RABGAP1: variants seen among roughly 807,000 people sequenced by gnomAD.
The protein encoded by RABGAP1 is rab GTPase-activating protein 1.
RABGAP1 carries 23 observed loss-of-function variants against 137.6 expected under a neutral mutation model. That is an observed-to-expected ratio of 0.17 (90% CI 0.12 to 0.24). The LOEUF (loss-of-function observed/expected upper bound fraction) is 0.24. RABGAP1 is among the 10% of genes least tolerant of loss of function. The pLI is 1.00. For synonymous variants in RABGAP1, 451 were observed against 450.7 expected (o/e 1.00, Z -0.01); for missense variants, 906 against 1,275.8 (o/e 0.71, Z 4.42).
intron 1 of RABGAP1, among the ~76,000 whole-genome samples, chr9:122,947,498 A>G (rs1452865465): frequency 1.3e-5 from 2 of 152,250 alleles, no homozygotes; most frequent in African/African-American, 2.4e-5. Flanking sequence ...CTTAATCACA[A>G]TGCAAAAAGA....
intron 1 of RABGAP1, chr9:122,945,225 GAGATCATTATTCTTT>G (rs550416765): frequency 2.8e-3 from 381 of 137,722 alleles, no homozygotes; most frequent in African/African-American, 1.0e-2. Context: ...TGTTGATCCT[GAGATCATTATTCTTT>G]AGAAACTTTG....
rs1400056488 is a variant in RABGAP1 at position 123,086,761 on chromosome 9, CTG to C, written c.2425-2996_2425-2995del. 2.0e-5 allele frequency among the ~76,000 whole-genome samples: 3 copies of C among 152,136 alleles called. No homozygotes were observed. In the East Asian group the frequency reaches 5.8e-4, roughly 29 times the overall value. ...GGTGAGGGTGAAGACTGGGAAAAGACTGAGCTGGTGAAGAAGTCAGGACTCTG... is the reference window on the plus strand; with the variant it reads ...GGTGAGGGTGAAGACTGGGAAAAGACAGCTGGTGAAGAAGTCAGGACTCTG... On this transcript the variant is annotated intron_variant, in intron 19 of 25. Coordinates refer to ENST00000373647, the MANE Select transcript of RABGAP1 (RefSeq NM_012197.4).
At position 122,970,074 on chromosome 9, in the gene RABGAP1, AT is replaced by A. The variant is rs34261698; in HGVS notation, c.150+12881del. On this transcript the variant is annotated intron_variant, in intron 2 of 25. Coordinates refer to ENST00000373647, the MANE Select transcript of RABGAP1 (RefSeq NM_012197.4). ...GCCAGTGTGCCACCATATCCGGCTA[AT>A]TTTTTTTTTTTTTTTCTTAGTAGAG... 5.0e-3 allele frequency among the ~76,000 whole-genome samples: 711 copies of A among 143,474 alleles called. 6 individuals carry two copies. The highest frequency in any genetic ancestry group is 0.017 in the African/African-American group (642 of 38,858). 94.1% of individuals were successfully genotyped at this position (143,474 alleles called of 152,430 possible). A position where few individuals can be genotyped will look rare whatever the true frequency, so the allele number is the denominator to read the frequency against.
chr9:123,067,821 T>C (rs1588369753), intron 14 of RABGAP1, among the ~76,000 whole-genome samples: 2 of 152,324 alleles, frequency 1.3e-5, no homozygotes, highest in East Asian at 3.9e-4. Flanking sequence ...AAATGTATCA[T>C]ATAATTTCAC....
intron 14 of RABGAP1, among the ~76,000 whole-genome samples, chr9:123,067,137 A>G (rs1162508533): frequency 6.6e-6 from 1 of 152,214 alleles, no homozygotes; most frequent in East Asian, 1.9e-4. Flanking sequence ...CCCACATTAC[A>G]TTAAGTTGTT....
rs756915024 is a variant in RABGAP1 at position 123,097,805 on chromosome 9, CAGA to C, written c.2700_2702del (p.Glu901del). 3.7e-6 allele frequency: 6 copies of C among 1,613,830 alleles called. No individual in the cohort carries two copies. Among genetic ancestry groups the C allele is most frequent in the Non-Finnish European group, 3.4e-6 (4 of 1,179,906 alleles). ...ATGACCAAACAGAAGTTGATTGATGCAGAAGAAGAGAAAAGACGGCTGGAAGAA... is the reference window on the plus strand; with the variant it reads ...ATGACCAAACAGAAGTTGATTGATGCAGAAGAGAAAAGACGGCTGGAAGAA... On this transcript the variant is annotated inframe_deletion, in exon 22 of 26. Transcript: ENST00000373647.
chr9:123,044,526 T>G (rs2033112768), intron 13 of RABGAP1, among the ~76,000 whole-genome samples: 1 of 152,116 alleles, frequency 6.6e-6, no homozygotes, highest in African/African-American at 2.4e-5. Flanking sequence ...TTTGGAACTT[T>G]TCAGATTTTG....
Position 122,997,613 on chromosome 9 carries a change from C to G in RABGAP1, c.1204+252C>G, listed in dbSNP as rs1837099282. On this transcript the variant is annotated intron_variant, in intron 9 of 25. Coordinates refer to ENST00000373647, the MANE Select transcript of RABGAP1 (RefSeq NM_012197.4). The stretch of plus-strand genomic sequence containing the variant: ...TTCTTTCTATTTATATGCTTATTTA[C>G]TTACAGACTTATAAGTTTTATTTTT... 2.0e-5 allele frequency among the ~76,000 whole-genome samples: 3 copies of G among 151,514 alleles called. No individual in the cohort carries two copies. The East Asian group carries it at 5.8e-4, about 29-fold the overall frequency.
At chr9:123,057,160 C>G (rs2033747894) in intron 13 of RABGAP1, among the ~76,000 whole-genome samples, 1 of 151,722 alleles carries the variant, frequency 6.6e-6, no homozygotes, top group Non-Finnish European at 1.5e-5. Context: ...GGGCTGACCC[C>G]CACCTCCCTC....
chr9:123,101,120 ACCAGCATGCAT>A (rs1375838773), intron 24 of RABGAP1, among the ~76,000 whole-genome samples: 1 of 152,210 alleles, frequency 6.6e-6, no homozygotes, highest in African/African-American at 2.4e-5. Flanking sequence ...TTCTATTTCA[ACCAGCATGCAT>A]CCATTTTCCA....
chr9:123,097,915 C>T, intron 22 of RABGAP1, 70 bp downstream of exon 22: 1 of 1,323,186 alleles, frequency 7.6e-7, no homozygotes, highest in Admixed American at 2.3e-5. Flanking sequence ...TGGTGGCTTC[C>T]TGTTGGCACT....
intron 13 of RABGAP1, chr9:123,033,683 A>G (rs1007183190): frequency 1.3e-5 from 2 of 151,988 alleles, no homozygotes; most frequent in Non-Finnish European, 2.9e-5. Flanking sequence ...CTGCTTTGCA[A>G]GGCTTTCTGC....
At chr9:123,013,625 G>A (rs2030995942) in intron 11 of RABGAP1, among the ~76,000 whole-genome samples, 1 of 152,156 alleles carries the variant, frequency 6.6e-6, no homozygotes, top group Admixed American at 6.5e-5. Context: ...GAGCCACCGT[G>A]CCGGGCCTAG....
Position 122,966,923 on chromosome 9 carries a change from G to T in RABGAP1, c.150+9714G>T, listed in dbSNP as rs550676270. On this transcript the variant is annotated intron_variant, in intron 2 of 25. Coordinates refer to ENST00000373647, the MANE Select transcript of RABGAP1 (RefSeq NM_012197.4). Reference sequence around the variant, plus strand: ...TCTGTTTTAAAAACCATCAGATCTCGTGAGACTCACTATCATGAGAACAGC... The same window carrying T: ...TCTGTTTTAAAAACCATCAGATCTCTTGAGACTCACTATCATGAGAACAGC... 4.6e-5 allele frequency among the ~76,000 whole-genome samples: 7 copies of T among 152,282 alleles called. No individual in the cohort carries two copies. In the East Asian group the frequency reaches 9.6e-4, roughly 21 times the overall value.
At chr9:122,945,147 C>CTTTTTTGTTTTTTTTTTTTTTTTTTT (rs1833873987) in intron 1 of RABGAP1, among the ~76,000 whole-genome samples, 1 of 75,772 alleles carries the variant, frequency 1.3e-5, no homozygotes. Flanking sequence ...ATAGCTGTTG[C>CTTTTTTGTTTTTTTTTTTTTTTTTTT]TTTTTTTTTT....
intron 13 of RABGAP1, chr9:123,029,693 C>G: frequency 1.5e-6 from 1 of 671,812 alleles, no homozygotes; most frequent in Non-Finnish European, 2.8e-6. Context: ...TTCACTGGGT[C>G]TTTGTCTTTC....
intron 13 of RABGAP1, among the ~76,000 whole-genome samples, chr9:123,033,157 C>G (rs907459684): frequency 2.0e-5 from 3 of 152,082 alleles, no homozygotes; most frequent in African/African-American, 7.2e-5. Context: ...TGGTGAATAG[C>G]CTTCTAGCTA....
chr9:123,017,637 T>C (rs2031330553), intron 12 of RABGAP1, among the ~76,000 whole-genome samples: 1 of 152,204 alleles, frequency 6.6e-6, no homozygotes, highest in Admixed American at 6.5e-5. Context: ...GTCACTTAAC[T>C]CTTTTGAGTC....
At chr9:123,060,398 C>G (rs2033922025) in intron 13 of RABGAP1, among the ~76,000 whole-genome samples, 1 of 152,068 alleles carries the variant, frequency 6.6e-6, no homozygotes, top group South Asian at 2.1e-4. Context: ...ATTAGAGGTT[C>G]ATTTGTATTG....
Sources: gnomAD v4.1 joint callset for allele counts (sites outside exome capture counted in the v4.1 genomes callset) on GRCh38, gnomAD v4.1.1 for gene constraint, MANE v1.5 for transcripts, NCBI Gene and HGNC (gene_info 2026-07-23, HGNC 2026-07-21) for gene names.